The following SLC8A3 variants were observed in gnomAD, a reference collection of about 807,000 sequenced individuals.
SLC8A3 encodes the protein solute carrier family 8 member A3.
In SLC8A3, 37 loss-of-function variants were observed where a neutral mutation model predicts 65.4. That is an observed-to-expected ratio of 0.57 (90% CI 0.44 to 0.74). SLC8A3 has a LOEUF of 0.74. Among genes scored for constraint, SLC8A3 ranks in the 30% least tolerant of loss-of-function variants. SLC8A3 has a pLI of 0.00. For missense variants in SLC8A3, 1,112 were observed against 1,172.1 expected (o/e 0.95, Z 0.75); for synonymous variants, 461 against 444.5 (o/e 1.04, Z -0.47).
At chr14:70,120,713 G>C (rs1014124826) in intron 2 of SLC8A3, among the ~76,000 whole-genome samples, 1 of 152,202 alleles carries the variant, frequency 6.6e-6, no homozygotes, top group African/African-American at 2.4e-5. Flanking sequence ...TTGAGCCTTA[G>C]CTTCCTTATC....
intron 2 of SLC8A3, among the ~76,000 whole-genome samples, chr14:70,151,665 G>A (rs544812081): frequency 6.6e-6 from 1 of 152,328 alleles, no homozygotes; most frequent in African/African-American, 2.4e-5. Flanking sequence ...CGCCACAAAC[G>A]TGGTAGCTTA....
chr14:70,078,880 G>A (rs548982176), intron 2 of SLC8A3, among the ~76,000 whole-genome samples: 1 of 152,290 alleles, frequency 6.6e-6, no homozygotes, highest in South Asian at 2.1e-4. Flanking sequence ...CCATGGTTGA[G>A]GCTAAGCTTC....
At chr14:70,174,460 A>T (rs535682089) in intron 1 of SLC8A3, among the ~76,000 whole-genome samples, 17 of 152,228 alleles carry the variant, frequency 1.1e-4, no homozygotes, top group African/African-American at 3.6e-4. Context: ...GAAAGGAAAG[A>T]AGTGAAGGGA....
At chr14:70,184,645 T>G (rs1286783929) in intron 1 of SLC8A3, among the ~76,000 whole-genome samples, 1 of 152,240 alleles carries the variant, frequency 6.6e-6, no homozygotes, top group African/African-American at 2.4e-5. Flanking sequence ...CCTATATGCT[T>G]CCATTATCAT....
rs1013848826 is a variant in SLC8A3, at chr14:70,188,788, A to G, written c.-472T>C. ...TCCTGCAGGAAGGGGCAGGAAGGCA[A>G]GCAGCCCGGCGCGCCCTGGCGGCTC... is the stretch of plus-strand genomic sequence containing the variant. On this transcript the variant is annotated 5_prime_UTR_variant, in exon 1 of 7. Coordinates refer to ENST00000356921, the MANE Select transcript of SLC8A3 (RefSeq NM_182932.3). 3 of 152,140 alleles carry G rather than the reference A, an allele frequency of 2.0e-5. No homozygotes were observed. Among genetic ancestry groups the G allele is most frequent in the African/African-American group, 7.2e-5 (3 of 41,540 alleles). 9.4% of individuals were successfully genotyped at this position (152,140 alleles called of 1,614,324 possible).
At chr14:70,172,665 C>T (rs1897621818) in intron 1 of SLC8A3, among the ~76,000 whole-genome samples, 1 of 148,658 alleles carries the variant, frequency 6.7e-6, no homozygotes, top group Non-Finnish European at 1.5e-5. Flanking sequence ...GTATTAGACG[C>T]TGGTGGATTA....
intron 2 of SLC8A3, among the ~76,000 whole-genome samples, chr14:70,085,922 G>T (rs1319814369): frequency 2.0e-5 from 3 of 152,164 alleles, no homozygotes; most frequent in Admixed American, 6.5e-5. Flanking sequence ...GCACAAGAAG[G>T]TTAAGTCACA....
chr14:70,121,708 G>A (rs1033191787), intron 2 of SLC8A3, among the ~76,000 whole-genome samples: 3 of 152,136 alleles, frequency 2.0e-5, no homozygotes, highest in African/African-American at 4.8e-5. Context: ...CCCCTTACTC[G>A]GTTGCCATGG....
At chr14:70,136,024 C>T (rs1316712860) in intron 2 of SLC8A3, among the ~76,000 whole-genome samples, 2 of 151,778 alleles carry the variant, frequency 1.3e-5, no homozygotes, top group East Asian at 3.9e-4. Context: ...CTATGCATAA[C>T]TATTATGTTT....
At chr14:70,112,620 T>A (rs1422254916) in intron 2 of SLC8A3, among the ~76,000 whole-genome samples, 1 of 152,158 alleles carries the variant, frequency 6.6e-6, no homozygotes, top group Non-Finnish European at 1.5e-5. Context: ...CACCTCTCCA[T>A]CCTGAATGTA....
intron 2 of SLC8A3, among the ~76,000 whole-genome samples, chr14:70,079,497 C>T (rs1890850019): frequency 6.6e-6 from 1 of 151,080 alleles, no homozygotes; most frequent in Non-Finnish European, 1.5e-5. Flanking sequence ...AGTGAGACTC[C>T]ATCTAAAAAA....
At chr14:70,050,507 C>G (rs1339261100) in intron 5 of SLC8A3, among the ~76,000 whole-genome samples, 1 of 152,118 alleles carries the variant, frequency 6.6e-6, no homozygotes, top group East Asian at 1.9e-4. Context: ...ACTGAGGGAG[C>G]CTGTCAGTAA....
At chr14:70,114,842 CG>C (rs941405405) in intron 2 of SLC8A3, among the ~76,000 whole-genome samples, 10 of 152,094 alleles carry the variant, frequency 6.6e-5, no homozygotes, top group Admixed American at 4.6e-4. Flanking sequence ...CTCTCCTGAG[CG>C]GGTGTGTGGG....
intron 1 of SLC8A3, among the ~76,000 whole-genome samples, chr14:70,176,466 C>T (rs1897915950): frequency 6.6e-6 from 1 of 152,116 alleles, no homozygotes. Flanking sequence ...TTGAAAAGTT[C>T]TTTTATTGAT....
intron 2 of SLC8A3, among the ~76,000 whole-genome samples, chr14:70,150,920 A>T (rs1041811523): frequency 1.3e-5 from 2 of 152,206 alleles, no homozygotes; most frequent in African/African-American, 4.8e-5. Flanking sequence ...AATGCAGTTC[A>T]TGGCTGCCCC....
chr14:70,060,565 G>A (rs1274413861), intron 3 of SLC8A3: 1 of 574,012 alleles, frequency 1.7e-6, no homozygotes, highest in African/African-American at 1.9e-5. Flanking sequence ...ATGAGGAGTT[G>A]AGGCTGCAGT....
intron 2 of SLC8A3, among the ~76,000 whole-genome samples, chr14:70,098,222 G>C (rs1892316303): frequency 6.6e-6 from 1 of 152,148 alleles, no homozygotes; most frequent in Non-Finnish European, 1.5e-5. Context: ...CCAGCCTCAT[G>C]CTCCCAAAAG....
At chr14:70,153,611 G>A (rs527741459) in intron 2 of SLC8A3, among the ~76,000 whole-genome samples, 6 of 152,290 alleles carry the variant, frequency 3.9e-5, no homozygotes, top group African/African-American at 1.2e-4. Flanking sequence ...ACCTCCCTGA[G>A]GACAGGGACT....
In SLC8A3 at chr14:70,172,994, C is replaced by T. The variant is rs953441851; in HGVS notation, c.-62-4510G>A. Among the ~76,000 whole-genome samples, 11 of 152,036 alleles carry T rather than the reference C, an allele frequency of 7.2e-5. No homozygotes were observed. The South Asian group carries it at 1.0e-3, about 14-fold the overall frequency. The stretch of plus-strand genomic sequence containing the variant: ...ACATGATGGAAAAGGCTGCTGTGGG[C>T]GTGGGATTACAAGACATGCAGTGTG... On this transcript the variant is annotated intron_variant, in intron 1 of 6. Transcript: ENST00000356921.
Sources: gnomAD v4.1 joint callset for allele counts (sites outside exome capture counted in the v4.1 genomes callset) on GRCh38, gnomAD v4.1.1 for gene constraint, MANE v1.5 for transcripts, NCBI Gene and HGNC (gene_info 2026-07-23, HGNC 2026-07-21) for gene names.